The following USP35 variants were observed in gnomAD, a reference collection of about 807,000 sequenced individuals.
The protein encoded by USP35 is ubiquitin specific peptidase 35.
Under a neutral mutation model 83.8 loss-of-function variants are expected in USP35, and 69 were observed. The observed-to-expected ratio is 0.82, with a 90% CI of 0.68 to 1.01. The LOEUF (loss-of-function observed/expected upper bound fraction) is 1.01. Among genes scored for constraint, USP35 ranks in the 50% least tolerant of loss-of-function variants. The pLI is 0.00. For synonymous variants in USP35, 714 were observed against 589.5 expected (o/e 1.21, Z -3.06); for missense variants, 1,503 against 1,362.5 (o/e 1.10, Z -1.62).
chr11:78,213,642 CCAGGAG>C lies in USP35; in HGVS notation c.2893_2898del (p.Gln965_Glu966del). 113 of 1,481,290 alleles carry C rather than the reference CCAGGAG, an allele frequency of 7.6e-5. 1 individual carries two copies. The highest frequency in any genetic ancestry group is 3.5e-4 in the Middle Eastern group (2 of 5,636). The allele number at this position is 1,481,290 out of a possible 1,614,324, so 91.8% of individuals were successfully genotyped here. On this transcript the variant is annotated splice_acceptor_variant and splice_polypyrimidine_tract_variant and coding_sequence_variant and intron_variant, in exon 11 of 11. Transcript: ENST00000529308. LOFTEE classifies it high-confidence loss of function. ...TCTAAGTCTCCTCTCATCTGTGTTC[CCAGGAG>C]CAGGAGAAGGAGGCCCGGAGCAGGG...
rs1863208403 is a variant in USP35 at position 78,198,019 on chromosome 11, A to G, written c.757A>G (p.Ser253Gly). 1.2e-6 allele frequency: 2 copies of G among 1,614,232 alleles called. No individual in the cohort carries two copies. The highest frequency in any genetic ancestry group is 1.1e-5 in the South Asian group (1 of 91,086). ...ELMDGVVRNL[S>G]NDDSVTDSQM... is the part of the protein sequence containing the mutation. ...CATGGATGGTGTTGTCCGGAACCTC[A>G]GCAATGATGACAGTGTGACAGACTC... The change falls in exon 3 of 11, where the codon AGC becomes GGC. Residue 253 changes from serine to glycine, a missense_variant. Coordinates refer to ENST00000529308, the MANE Select transcript of USP35 (RefSeq NM_020798.4).
intron 2 of USP35, 53 bp from the exon 3 acceptor site, chr11:78,197,883 G>C: frequency 1.3e-6 from 2 of 1,590,194 alleles, no homozygotes; most frequent in South Asian, 2.3e-5. Context: ...GGTGTGCTGG[G>C]GGAAGGGAGG....
the USP35 span, among the ~76,000 whole-genome samples, chr11:78,221,505 T>C: frequency 1.3e-5 from 2 of 152,176 alleles, no homozygotes; most frequent in Non-Finnish European, 2.9e-5. Context: ...TGACAACTCC[T>C]ACTGCTTGAT....
chr11:78,216,993 C>T (rs1379415925), downstream of USP35: 3 of 152,246 alleles, frequency 2.0e-5, no homozygotes, highest in Non-Finnish European at 1.5e-5. Context: ...GCCTTTTGTT[C>T]CCAAGACACA....
At chr11:78,207,942 A>G (rs1485603600) in intron 8 of USP35, among the ~76,000 whole-genome samples, 5 of 152,200 alleles carry the variant, frequency 3.3e-5, no homozygotes, top group Non-Finnish European at 5.9e-5. Context: ...GTGATTTATG[A>G]AGAAATTTAT....
chr11:78,234,797 T>C, the USP35 span, among the ~76,000 whole-genome samples: 1 of 152,028 alleles, frequency 6.6e-6, no homozygotes, highest in Non-Finnish European at 1.5e-5. Context: ...TGTTGTTCTT[T>C]TAAAAATTTC....
chr11:78,202,550 T>C (rs1282062157), intron 6 of USP35, among the ~76,000 whole-genome samples: 17 of 152,030 alleles, frequency 1.1e-4, no homozygotes, highest in Non-Finnish European at 1.5e-5. Context: ...TGAAAATGAG[T>C]TTATAGTCCC....
Position 78,210,870 on chromosome 11 carries a change from GCTGGGTATATA to G in USP35, c.2889+131_2889+141del. 2.9e-6 allele frequency: 3 copies of G among 1,051,536 alleles called. No individual in the cohort carries two copies. The South Asian group carries it at 5.4e-5, about 19-fold the overall frequency. 65.1% of individuals were successfully genotyped at this position (1,051,536 alleles called of 1,614,324 possible). A position where few individuals can be genotyped will look rare whatever the true frequency, so the allele number is the denominator to read the frequency against. On this transcript the variant is annotated intron_variant, in intron 10 of 10. Transcript: ENST00000529308. The stretch of plus-strand genomic sequence containing the variant: ...AAATCCCATTCATCTGTTGCTCAGT[GCTGGGTATATA>G]CTGGTGGCCCAGACAGACCTAACCC...
the USP35 span, among the ~76,000 whole-genome samples, chr11:78,223,940 G>A: frequency 6.6e-6 from 1 of 152,134 alleles, no homozygotes; most frequent in Non-Finnish European, 1.5e-5. Flanking sequence ...GTATTAGCTG[G>A]GCGTGGTGGC....
In USP35 at chr11:78,210,797, T is replaced by A. The variant is rs919764952; in HGVS notation, c.2889+53T>A. On this transcript the variant is annotated intron_variant, in intron 10 of 10. Coordinates refer to ENST00000529308, the MANE Select transcript of USP35 (RefSeq NM_020798.4). Reference sequence around the variant, plus strand: ...TGATCTCTTGGTGGAGGGAGTCCAGTCCCACTACTGGCTTAGATAAGTCAT... The same window carrying A: ...TGATCTCTTGGTGGAGGGAGTCCAGACCCACTACTGGCTTAGATAAGTCAT... 6 of 1,482,096 alleles carry A rather than the reference T, an allele frequency of 4.0e-6. No homozygotes were observed. In the African/African-American group the frequency reaches 8.4e-5, roughly 21 times the overall value. The allele number at this position is 1,482,096 out of a possible 1,614,324, so 91.8% of individuals were successfully genotyped here.
At chr11:78,233,231 C>T in the USP35 span, among the ~76,000 whole-genome samples, 3 of 152,010 alleles carry the variant, frequency 2.0e-5, no homozygotes, top group East Asian at 1.9e-4. Flanking sequence ...GATGGGGTGT[C>T]GCCATGTTGC....
chr11:78,211,586 C>T (rs987744821), intron 10 of USP35, among the ~76,000 whole-genome samples: 5 of 152,156 alleles, frequency 3.3e-5, no homozygotes, highest in Non-Finnish European at 7.3e-5. Flanking sequence ...TAAAGGTATT[C>T]CTATTTCTCT....
At chr11:78,206,562 G>C (rs1246634782) in intron 7 of USP35, among the ~76,000 whole-genome samples, 4 of 152,204 alleles carry the variant, frequency 2.6e-5, no homozygotes, top group African/African-American at 9.6e-5. Context: ...GGAGATTGGA[G>C]CTGATCTCCA....
downstream of USP35, chr11:78,219,266 C>T (rs761496755): frequency 1.2e-5 from 20 of 1,612,526 alleles, no homozygotes; most frequent in Admixed American, 3.2e-4. Flanking sequence ...TGCGGTGGCC[C>T]TCTCATCACA....
intron 5 of USP35, 129 bp from the exon 6 acceptor site, chr11:78,200,521 C>A: frequency 7.4e-7 from 1 of 1,355,962 alleles, no homozygotes; most frequent in Non-Finnish European, 9.9e-7. Flanking sequence ...CCATCTGGGT[C>A]AGGGGACAGT....
intron 10 of USP35, among the ~76,000 whole-genome samples, chr11:78,212,709 A>AAT (rs1273067070): frequency 1.2e-4 from 18 of 152,290 alleles, no homozygotes; most frequent in African/African-American, 4.3e-4. Flanking sequence ...GGTGTATAGG[A>AAT]ATGCTAGCAA....
At chr11:78,219,508 G>A, downstream of USP35, 1 of 1,156,680 alleles carries the variant, frequency 8.6e-7, no homozygotes, top group South Asian at 1.4e-5. Flanking sequence ...TGAGCTGTCT[G>A]AAGGGGAGAA....
At chr11:78,233,611 CT>C in the USP35 span, among the ~76,000 whole-genome samples, 7 of 151,338 alleles carry the variant, frequency 4.6e-5, no homozygotes, top group Admixed American at 1.3e-4. Context: ...TGTGATTTGT[CT>C]TTTTTTTTGA....
rs1431138699 is a variant in USP35, at chr11:78,210,008, A to AG, written c.2155dup (p.Val719GlyfsTer10). 1 of 1,613,458 alleles carries AG rather than the reference A, an allele frequency of 6.2e-7. No homozygotes were observed. The highest frequency in any genetic ancestry group is 1.7e-5 in the Admixed American group (1 of 60,016). ...GAGGAGGTGGAAGAGGAAGAAGAGA[A>AG]GGTGGAGAAGGAGACAGAAAAGGAG... On this transcript the variant is annotated frameshift_variant, in exon 10 of 11. Transcript: ENST00000529308. LOFTEE classifies it high-confidence loss of function.
Sources: gnomAD v4.1 joint callset for allele counts (sites outside exome capture counted in the v4.1 genomes callset) on GRCh38, gnomAD v4.1.1 for gene constraint, MANE v1.5 for transcripts, NCBI Gene and HGNC (gene_info 2026-07-23, HGNC 2026-07-21) for gene names.